Variants in RERE observed in about 807,000 individuals in gnomAD.
RERE encodes arginine-glutamic acid dipeptide repeats, also known as arginine-glutamic acid dipeptide repeats protein.
RERE carries 40 observed loss-of-function variants against 146.1 expected under a neutral mutation model. The observed-to-expected ratio is 0.27, with a 90% CI of 0.21 to 0.36. The LOEUF (loss-of-function observed/expected upper bound fraction) is 0.36, where lower values mean the gene tolerates loss of function less well. Among genes scored for constraint, RERE ranks in the 10% least tolerant of loss-of-function variants. The probability of loss-of-function intolerance (pLI) is 1.00; values close to 1 mark genes in which losing one functional copy is unlikely to be tolerated. For synonymous variants in RERE, 1,003 were observed against 866.0 expected, an observed-to-expected ratio of 1.16 and a Z score of -2.78; for missense variants, 1,933 against 2,138.7, an observed-to-expected ratio of 0.90 and a Z score of 1.90.
intron 1 of RERE, among the ~76,000 whole-genome samples, chr1:8,660,846 G>A (rs1368344893): frequency 1.3e-5 from 2 of 152,172 alleles, no homozygotes; most frequent in Non-Finnish European, 2.9e-5. Context: ...AGAAAAGGAA[G>A]AAAATCTAAT....
intron 11 of RERE, among the ~76,000 whole-genome samples, chr1:8,452,847 C>G (rs756737112): frequency 6.6e-6 from 1 of 152,140 alleles, no homozygotes. Context: ...AATCCACCAC[C>G]CCTTTTGTGA....
At chr1:8,434,599 C>T (rs1201690966) in intron 11 of RERE, 1 of 152,214 alleles carries the variant, frequency 6.6e-6, no homozygotes, top group Non-Finnish European at 1.5e-5. Context: ...CCTCCTGAGC[C>T]TGGGTAGACC....
intron 1 of RERE, among the ~76,000 whole-genome samples, chr1:8,687,890 G>C (rs1639126021): frequency 6.6e-6 from 1 of 152,134 alleles, no homozygotes; most frequent in South Asian, 2.1e-4. Flanking sequence ...TTTAGTTTTA[G>C]TTTAGTTATA....
At chr1:8,667,672 G>C (rs554548086) in intron 1 of RERE, among the ~76,000 whole-genome samples, 1 of 152,050 alleles carries the variant, frequency 6.6e-6, no homozygotes, top group Non-Finnish European at 1.5e-5. Flanking sequence ...GCAAGACTCC[G>C]TCTCAAAAAA....
chr1:8,558,877 C>T (rs1371907254), intron 4 of RERE, among the ~76,000 whole-genome samples: 1 of 149,920 alleles, frequency 6.7e-6, no homozygotes, highest in Non-Finnish European at 1.5e-5. Context: ...CTCACTGCAA[C>T]CTCCACCTCC....
At chr1:8,749,083 A>T (rs181795358) in intron 1 of RERE, among the ~76,000 whole-genome samples, 2 of 152,306 alleles carry the variant, frequency 1.3e-5, no homozygotes, top group African/African-American at 4.8e-5. Context: ...CTACTCCATG[A>T]AGTGGGTATA....
chr1:8,381,007 G>A (rs1257248791), intron 12 of RERE: 3 of 456,528 alleles, frequency 6.6e-6, no homozygotes, highest in African/African-American at 4.0e-5. Context: ...CTGACCCCAG[G>A]ATCTCCTTGG....
chr1:8,604,614 GAGGGAGGGAGGAAGGAAGGA>G (rs1199925407), intron 4 of RERE, among the ~76,000 whole-genome samples: 165 of 68,168 alleles, frequency 2.4e-3, no homozygotes, highest in East Asian at 7.2e-3. Flanking sequence ...GGGAGGGAGG[GAGGGAGGGAGGAAGGAAGGA>G]AGGAAGGAAG....
intron 12 of RERE, among the ~76,000 whole-genome samples, chr1:8,414,512 C>T (rs1432521130): frequency 5.3e-5 from 8 of 151,026 alleles, no homozygotes; most frequent in African/African-American, 9.7e-5. Context: ...GCTGAGATCG[C>T]GCCACTGCAC....
chr1:8,556,634 T>G (rs182449669), intron 5 of RERE, 63 bp from the exon 6 acceptor site: 1 of 1,068,700 alleles, frequency 9.4e-7, no homozygotes. Context: ...AAAAAAAATT[T>G]GTAAAACTTT....
At chr1:8,555,032 G>C (rs1022398373) in intron 6 of RERE, among the ~76,000 whole-genome samples, 4 of 152,188 alleles carry the variant, frequency 2.6e-5, no homozygotes, top group Non-Finnish European at 5.9e-5. Context: ...AAGTTCACAA[G>C]AAGTTTATAA....
chr1:8,503,823 C>G (rs1645213787), intron 8 of RERE, among the ~76,000 whole-genome samples: 1 of 152,066 alleles, frequency 6.6e-6, no homozygotes, highest in Non-Finnish European at 1.5e-5. Flanking sequence ...ATATACATAA[C>G]AAAATGCAAT....
intron 1 of RERE, among the ~76,000 whole-genome samples, chr1:8,746,493 A>G (rs1014026553): frequency 5.9e-5 from 9 of 152,200 alleles, no homozygotes; most frequent in African/African-American, 2.2e-4. Context: ...AGCCTATTTT[A>G]TAATAAATTT....
intron 4 of RERE, among the ~76,000 whole-genome samples, chr1:8,613,439 G>A (rs1646815170): frequency 6.6e-6 from 1 of 152,034 alleles, no homozygotes; most frequent in Non-Finnish European, 1.5e-5. Flanking sequence ...TGTACACCTG[G>A]AAGGCTCCTA....
At chr1:8,673,696 A>C (rs1295697929) in intron 1 of RERE, among the ~76,000 whole-genome samples, 1 of 152,246 alleles carries the variant, frequency 6.6e-6, no homozygotes, top group African/African-American at 2.4e-5. Flanking sequence ...TGCCAAAATA[A>C]GAAAAAGTCA....
chr1:8,661,305 G>A (rs1204664593), intron 1 of RERE, among the ~76,000 whole-genome samples: 3 of 152,152 alleles, frequency 2.0e-5, no homozygotes, highest in Non-Finnish European at 4.4e-5. Context: ...AAGGGGGAGA[G>A]AGGTCAGAGA....
At chr1:8,725,317 G>A (rs1569640118) in intron 1 of RERE, among the ~76,000 whole-genome samples, 1 of 152,200 alleles carries the variant, frequency 6.6e-6, no homozygotes, top group African/African-American at 2.4e-5. Context: ...TGTAATCCCA[G>A]CACTTTGGGA....
At position 8,677,454 on chromosome 1, in the gene RERE, GAA is replaced by G. The variant is rs571192127; in HGVS notation, c.-144-21015_-144-21014del. Among the ~76,000 whole-genome samples, 209 of 101,680 alleles carry G rather than the reference GAA, an allele frequency of 2.1e-3. 1 individual carries two copies. Among genetic ancestry groups the G allele is most frequent in the African/African-American group, 7.1e-3 (195 of 27,576 alleles). 66.7% of individuals were successfully genotyped at this position (101,680 alleles called of 152,430 possible). A position where few individuals can be genotyped will look rare whatever the true frequency, so the allele number is the denominator to read the frequency against. On this transcript the variant is annotated intron_variant, in intron 1 of 22. Transcript: ENST00000400908. ...AAAAAAAAAAAAGAAAGAAAGAAAA[GAA>G]AAAAAAAAAAAAAGAAATTGTTGAT...
intron 7 of RERE, among the ~76,000 whole-genome samples, chr1:8,514,547 T>C (rs897104221): frequency 2.0e-5 from 3 of 152,062 alleles, no homozygotes; most frequent in Admixed American, 2.0e-4. Flanking sequence ...CTAGTCAACA[T>C]GGTGAAACCC....
Sources: gnomAD v4.1 joint callset for allele counts (sites outside exome capture counted in the v4.1 genomes callset) on GRCh38, gnomAD v4.1.1 for gene constraint, MANE v1.5 for transcripts, NCBI Gene and HGNC (gene_info 2026-07-23, HGNC 2026-07-21) for gene names.